The following UGT1A4 variants were observed in gnomAD, a reference collection of about 807,000 sequenced individuals.
The protein encoded by UGT1A4 is UDP glucuronosyltransferase family 1 member A4, also known as UDP-glucuronosyltransferase 1A4.
A neutral mutation model predicts 41.1 loss-of-function variants in UGT1A4; 32 were observed. The observed-to-expected ratio is 0.78, with a 90% CI of 0.59 to 1.05. The LOEUF is 1.05. Ranked by LOEUF, UGT1A4 falls within the 50% of genes least tolerant of loss-of-function variation. The pLI, the probability that UGT1A4 is intolerant of heterozygous loss-of-function variation, is 0.00. For synonymous variants in UGT1A4, 283 were observed against 265.1 expected (o/e 1.07, Z -0.66); for missense variants, 748 against 677.4 (o/e 1.10, Z -1.16).
intron 1 of UGT1A4, among the ~76,000 whole-genome samples, chr2:233,737,114 T>A (rs79657348): frequency 0.021 from 3,211 of 152,324 alleles, 101 homozygotes; most frequent in African/African-American, 0.073. Context: ...TCCCCACATG[T>A]TCAGAAGTTG....
At chr2:233,751,292 A>C (rs1369040584) in intron 1 of UGT1A4, among the ~76,000 whole-genome samples, 1 of 151,886 alleles carries the variant, frequency 6.6e-6, no homozygotes, top group East Asian at 1.9e-4. Flanking sequence ...TCCCATTTGG[A>C]ATGGGAATAT....
At chr2:233,760,612 G>C in intron 1 of UGT1A4, 1 of 1,614,218 alleles carries the variant, frequency 6.2e-7, no homozygotes, top group South Asian at 1.1e-5. Flanking sequence ...CCTGCAGCGT[G>C]TGATCAAAAC....
rs921224887 is a variant in UGT1A4, at chr2:233,769,400, T to A, written c.1307+961T>A. ...TCCGACAATAGATACTGTGTGCATA[T>A]GTGCGTGTGCGTTTGTGCATGTGGC... On this transcript the variant is annotated intron_variant, in intron 4 of 4. Coordinates refer to ENST00000373409, the MANE Select transcript of UGT1A4 (RefSeq NM_007120.3). The surrounding 1 kb of genome is among the most constrained non-coding windows in gnomAD (Gnocchi z 4.4). 3.4e-6 allele frequency: 4 copies of A among 1,182,114 alleles called. No homozygotes were observed. Among genetic ancestry groups the A allele is most frequent in the Non-Finnish European group, 4.9e-6 (4 of 819,978 alleles). The allele number at this position is 1,182,114 out of a possible 1,614,324, so 73.2% of individuals were successfully genotyped here. A position where few individuals can be genotyped will look rare whatever the true frequency, so the allele number is the denominator to read the frequency against.
chr2:233,733,221 G>A (rs531413389), intron 1 of UGT1A4, among the ~76,000 whole-genome samples: 6 of 152,072 alleles, frequency 3.9e-5, no homozygotes, highest in African/African-American at 1.4e-4. Context: ...GAGACAATGG[G>A]GTTTTCTAAA....
chr2:233,733,997 C>T (rs1054859436), intron 1 of UGT1A4, among the ~76,000 whole-genome samples: 1 of 151,958 alleles, frequency 6.6e-6, no homozygotes, highest in African/African-American at 2.4e-5. Context: ...AGGAGATATA[C>T]CTAATGTTAA....
At chr2:233,772,206 G>A (rs1305891412) in intron 4 of UGT1A4, 56 bp from the exon 5 acceptor site, 2 of 1,609,236 alleles carry the variant, frequency 1.2e-6, no homozygotes, top group Non-Finnish European at 1.7e-6. Context: ...AGCATAAAGA[G>A]AGGATTGTTC....
At chr2:233,766,971 A>G (rs769177470) in intron 1 of UGT1A4, 63 bp from the exon 2 acceptor site, 76 of 1,610,288 alleles carry the variant, frequency 4.7e-5, no homozygotes, top group Non-Finnish European at 6.1e-5. Flanking sequence ...TTCATAACTT[A>G]CTGTATGTAG....
chr2:233,771,764 G>GTCCCTCTCTCCT (rs1188840663), intron 4 of UGT1A4: 1 of 152,544 alleles, frequency 6.6e-6, no homozygotes, highest in East Asian at 1.9e-4. Context: ...TCCTTCCTCC[G>GTCCCTCTCTCCT]TCCCTCTCTC....
chr2:233,725,827 T>G (rs1405818881), intron 1 of UGT1A4, among the ~76,000 whole-genome samples: 1 of 152,182 alleles, frequency 6.6e-6, no homozygotes. Flanking sequence ...ATACCAGTAT[T>G]GCTACTCCTA....
chr2:233,743,134 T>TA (rs919324462), intron 1 of UGT1A4: 10 of 357,158 alleles, frequency 2.8e-5, no homozygotes, highest in East Asian at 7.3e-5. Context: ...CTTTCAATCC[T>TA]AAAAAAAGTC....
At chr2:233,749,490 C>A (rs1026732516) in intron 1 of UGT1A4, among the ~76,000 whole-genome samples, 4 of 151,770 alleles carry the variant, frequency 2.6e-5, no homozygotes, top group Non-Finnish European at 5.9e-5. Flanking sequence ...TCTTGCTATG[C>A]CCCTTAGAGA....
intron 1 of UGT1A4, among the ~76,000 whole-genome samples, chr2:233,720,006 T>G (rs1403033451): frequency 6.6e-6 from 1 of 152,190 alleles, no homozygotes; most frequent in Non-Finnish European, 1.5e-5. Context: ...CATTCAGAAC[T>G]GATCCATCCT....
intron 1 of UGT1A4, among the ~76,000 whole-genome samples, chr2:233,727,709 G>A (rs1490010404): frequency 6.6e-6 from 1 of 152,172 alleles, no homozygotes; most frequent in Non-Finnish European, 1.5e-5. Context: ...AGTTCCCAAA[G>A]CCCTTGCAGA....
At chr2:233,730,740 A>G (rs1421487405) in intron 1 of UGT1A4, among the ~76,000 whole-genome samples, 1 of 152,154 alleles carries the variant, frequency 6.6e-6, no homozygotes, top group East Asian at 1.9e-4. Context: ...GGAAGGGGCT[A>G]GGGAGGAGAT....
chr2:233,756,853 G>A (rs1211591788), intron 1 of UGT1A4, among the ~76,000 whole-genome samples: 2 of 151,934 alleles, frequency 1.3e-5, no homozygotes, highest in Non-Finnish European at 2.9e-5. Flanking sequence ...ACATTCTAAC[G>A]GTTCATAAAG....
At chr2:233,743,767 G>A (rs374421270) in intron 1 of UGT1A4, 102 of 1,367,178 alleles carry the variant, frequency 7.5e-5, no homozygotes, top group Admixed American at 1.9e-4. Flanking sequence ...CGTAGGCCTC[G>A]GCCACCTGCT....
chr2:233,754,059 A>G (rs973727066), intron 1 of UGT1A4, among the ~76,000 whole-genome samples: 4 of 152,238 alleles, frequency 2.6e-5, no homozygotes, highest in Admixed American at 1.3e-4. Context: ...ACCTGCTTTT[A>G]TAAAGCCTGG....
chr2:233,753,031 A>G (rs1329655669), intron 1 of UGT1A4, among the ~76,000 whole-genome samples: 1 of 152,134 alleles, frequency 6.6e-6, no homozygotes, highest in African/African-American at 2.4e-5. Context: ...AACACAAAAA[A>G]CTACCATGAA....
chr2:233,747,386 G>C, intron 1 of UGT1A4: 1 of 1,605,212 alleles, frequency 6.2e-7, no homozygotes, highest in Middle Eastern at 1.7e-4. Context: ...GCCACCAGGC[G>C]GTGGTCCTCA....
Sources: gnomAD v4.1 joint callset for allele counts (sites outside exome capture counted in the v4.1 genomes callset) on GRCh38, gnomAD v4.1.1 for gene constraint, Gnocchi (gnomAD v3.1) non-coding constraint, MANE v1.5 for transcripts, NCBI Gene and HGNC (gene_info 2026-07-23, HGNC 2026-07-21) for gene names.